The following FHIP2A variants were observed in gnomAD, a reference collection of about 807,000 sequenced individuals.
FHIP2A encodes family with sequence similarity 160 member B1.
In FHIP2A, 46 loss-of-function variants were observed where a neutral mutation model predicts 93.5. The observed-to-expected ratio is 0.49, with a 90% CI of 0.39 to 0.63. The LOEUF is 0.63. FHIP2A is among the 20% of genes least tolerant of loss of function. The pLI, the probability that FHIP2A is intolerant of heterozygous loss-of-function variation, is 0.00. For missense variants in FHIP2A, 769 were observed against 909.7 expected (o/e 0.85, Z 1.99); for synonymous variants, 332 against 326.5 (o/e 1.02, Z -0.18).
Position 114,835,648 on chromosome 10 carries a change from T to C in FHIP2A, c.399+7T>C. On this transcript the variant is annotated splice_region_variant and intron_variant, in intron 4 of 16. Coordinates refer to ENST00000369248, the MANE Select transcript of FHIP2A (RefSeq NM_020940.4). ...CGTGCACAGGCCAGTGCAGGTATTT[T>C]GTTCCCCCTACATAAAATCATTTTG... 2 of 1,470,284 alleles carry C rather than the reference T, an allele frequency of 1.4e-6. No homozygotes were observed. Among genetic ancestry groups the C allele is most frequent in the Admixed American group, 1.9e-5 (1 of 53,408 alleles). The allele number at this position is 1,470,284 out of a possible 1,614,324, so 91.1% of individuals were successfully genotyped here.
At chr10:114,871,766 T>C (rs1386108991) in intron 16 of FHIP2A, among the ~76,000 whole-genome samples, 3 of 152,108 alleles carry the variant, frequency 2.0e-5, no homozygotes, top group Admixed American at 2.0e-4. Context: ...AGAGAAGAGA[T>C]TGTCACCTGC....
At chr10:114,855,524 A>G (rs190399678) in intron 14 of FHIP2A, among the ~76,000 whole-genome samples, 184 bp downstream of exon 14, 29 of 152,328 alleles carry the variant, frequency 1.9e-4, no homozygotes, top group Admixed American at 4.6e-4. Context: ...TGTATGTTAA[A>G]AACATTTATT....
intron 16 of FHIP2A, among the ~76,000 whole-genome samples, chr10:114,875,724 AAGAAAGAG>A (rs1006406981): frequency 3.0e-4 from 45 of 150,884 alleles, no homozygotes; most frequent in African/African-American, 1.0e-3. Flanking sequence ...GAGAGAAAGA[AAGAAAGAG>A]AGAGAAAGAA....
At chr10:114,870,523 G>T (rs1200483044) in intron 16 of FHIP2A, among the ~76,000 whole-genome samples, 1 of 152,094 alleles carries the variant, frequency 6.6e-6, no homozygotes, top group Non-Finnish European at 1.5e-5. Context: ...AAATGATCCT[G>T]CTTGGAGTGT....
At chr10:114,838,955 G>A (rs2083652257) in intron 5 of FHIP2A, among the ~76,000 whole-genome samples, 1 of 152,070 alleles carries the variant, frequency 6.6e-6, no homozygotes, top group African/African-American at 2.4e-5. Context: ...CCCCAGCACT[G>A]GTTATTTAAG....
intron 16 of FHIP2A, among the ~76,000 whole-genome samples, chr10:114,870,318 T>C (rs2083851133): frequency 6.6e-6 from 1 of 152,172 alleles, no homozygotes; most frequent in Non-Finnish European, 1.5e-5. Flanking sequence ...ATCTACAAAC[T>C]CTTCAGAAAT....
chr10:114,857,084 A>G (rs1308718690), intron 14 of FHIP2A, among the ~76,000 whole-genome samples: 3 of 152,112 alleles, frequency 2.0e-5, no homozygotes, highest in African/African-American at 4.8e-5. Flanking sequence ...CCTAGGCAAC[A>G]TAGTGAGACC....
In FHIP2A at chr10:114,845,563, C is replaced by T. The variant is rs2083695923; in HGVS notation, c.1128+82C>T. 3.8e-6 allele frequency: 3 copies of T among 797,090 alleles called. No homozygotes were observed. The East Asian group carries it at 8.1e-5, about 22-fold the overall frequency. 49.4% of individuals were successfully genotyped at this position (797,090 alleles called of 1,614,324 possible). On this transcript the variant is annotated intron_variant, in intron 8 of 16. Coordinates refer to ENST00000369248, the MANE Select transcript of FHIP2A (RefSeq NM_020940.4). ...AAATTGGAATCCCTAATTTATATCC[C>T]AAATACATTTTAATTGTCTTAGAAT...
chr10:114,895,928 A>G (rs990852498), intron 16 of FHIP2A, among the ~76,000 whole-genome samples: 2 of 152,208 alleles, frequency 1.3e-5, no homozygotes, highest in African/African-American at 4.8e-5. Context: ...CTGTGCTGCT[A>G]TCAATTTATT....
chr10:114,878,917 G>T (rs1205461556), intron 16 of FHIP2A, among the ~76,000 whole-genome samples: 3 of 152,090 alleles, frequency 2.0e-5, no homozygotes, highest in Non-Finnish European at 4.4e-5. Flanking sequence ...GCTATGTGGG[G>T]ATCAGGGACA....
chr10:114,876,624 T>A lies in FHIP2A; in HGVS notation c.2192+15290T>A, dbSNP rs552729795. 6.6e-4 allele frequency among the ~76,000 whole-genome samples: 100 copies of A among 152,226 alleles called. 3 individuals carry two copies. The South Asian group carries it at 0.02, about 31-fold the overall frequency. ...GGTTCCTAGGCCTCTTGAACCACAA[T>A]TGATAGGAATGGGACCTGCCGGGAG... On this transcript the variant is annotated intron_variant, in intron 16 of 16. Transcript: ENST00000369250.
In FHIP2A at chr10:114,843,042, AG is replaced by A; in HGVS notation, c.634del (p.Glu212AsnfsTer50). On this transcript the variant is annotated frameshift_variant, in exon 6 of 17. Coordinates refer to ENST00000369248, the MANE Select transcript of FHIP2A (RefSeq NM_020940.4). LOFTEE classifies it high-confidence loss of function. ...GATACAGGACAGTCCCGTCAACCAGAGGAACTATCTGGTGCTACTGGAATGG... is the reference window on the plus strand; with the variant it reads ...GATACAGGACAGTCCCGTCAACCAGAGAACTATCTGGTGCTACTGGAATGG... ...STDTGQSRQPEELSGATGMEQ... is the reference protein window; with the variant it reads ...STDTGQSRQPXELSGATGMEQ... The A allele has an allele frequency of 6.2e-7, 1 of 1,614,136 alleles. No individual in the cohort carries two copies. Among genetic ancestry groups the A allele is most frequent in the Non-Finnish European group, 8.5e-7 (1 of 1,179,978 alleles).
intron 5 of FHIP2A, among the ~76,000 whole-genome samples, chr10:114,842,536 C>A (rs1477558464): frequency 6.6e-6 from 1 of 152,050 alleles, no homozygotes; most frequent in Non-Finnish European, 1.5e-5. Flanking sequence ...ACCACCCCCC[C>A]CACCCTATGA....
intron 12 of FHIP2A, 25 bp downstream of exon 12, chr10:114,847,258 TTC>T: frequency 6.3e-7 from 1 of 1,584,432 alleles, no homozygotes; most frequent in Admixed American, 1.9e-5. Context: ...AAAATTTGAC[TTC>T]CATCTCTCTT....
intron 13 of FHIP2A, 47 bp downstream of exon 13, chr10:114,848,784 C>T (rs1181989863): frequency 8.4e-7 from 1 of 1,189,746 alleles, no homozygotes; most frequent in Non-Finnish European, 1.3e-6. Context: ...AGAATAGACA[C>T]ATGCACACCC....
At chr10:114,824,211 C>G (rs1291854929) in intron 1 of FHIP2A, among the ~76,000 whole-genome samples, 1 of 152,184 alleles carries the variant, frequency 6.6e-6, no homozygotes, top group Non-Finnish European at 1.5e-5. Flanking sequence ...ATATTTATAT[C>G]CTTTACCCAT....
chr10:114,834,698 A>G (rs1002651370), intron 3 of FHIP2A, among the ~76,000 whole-genome samples: 1 of 152,214 alleles, frequency 6.6e-6, no homozygotes, highest in Non-Finnish European at 1.5e-5. Context: ...AACAACTGGC[A>G]TGTTACAAAA....
In FHIP2A at chr10:114,869,881, ATAATT is replaced by A. The variant is rs1298306182; in HGVS notation, c.2192+8550_2192+8554del. ...AGTCTTTTCATGCATAGCATATAATATAATTTATATTCATTGAGCTGAGTATTTCA... is the reference window on the plus strand; with the variant it reads ...AGTCTTTTCATGCATAGCATATAATATATATTCATTGAGCTGAGTATTTCA... On this transcript the variant is annotated intron_variant, in intron 16 of 16. Coordinates refer to the FHIP2A transcript ENST00000369250. 2.6e-5 allele frequency among the ~76,000 whole-genome samples: 4 copies of A among 152,334 alleles called. No individual in the cohort carries two copies. The East Asian group carries it at 5.8e-4, about 22-fold the overall frequency.
intron 16 of FHIP2A, among the ~76,000 whole-genome samples, chr10:114,886,710 A>C (rs1201458242): frequency 6.8e-6 from 1 of 146,740 alleles, no homozygotes; most frequent in African/African-American, 2.5e-5. Flanking sequence ...ACACCTGGCT[A>C]ATTTTTGTAT....
Sources: gnomAD v4.1 joint callset for allele counts (sites outside exome capture counted in the v4.1 genomes callset) on GRCh38, gnomAD v4.1.1 for gene constraint, MANE v1.5 for transcripts, NCBI Gene and HGNC (gene_info 2026-07-23, HGNC 2026-07-21) for gene names.